Variants in NAALADL2 observed in about 807,000 individuals in gnomAD.
NAALADL2 encodes inactive N-acetylated-alpha-linked acidic dipeptidase-like protein 2.
NAALADL2 carries 76 observed loss-of-function variants against 87.2 expected under a neutral mutation model. The observed-to-expected ratio is 0.87, with a 90% CI of 0.72 to 1.05. The LOEUF (loss-of-function observed/expected upper bound fraction) is 1.05. Among genes scored for constraint, NAALADL2 ranks in the 50% least tolerant of loss-of-function variants. NAALADL2 has a pLI of 0.00. For synonymous variants in NAALADL2, 354 were observed against 331.0 expected (o/e 1.07, Z -0.75); for missense variants, 1,089 against 945.8 (o/e 1.15, Z -1.99).
chr3:174,948,689 T>G (rs1195451812), intron 1 of NAALADL2, among the ~76,000 whole-genome samples: 1 of 151,996 alleles, frequency 6.6e-6, no homozygotes, highest in Non-Finnish European at 1.5e-5. Flanking sequence ...ATGTCAGGGG[T>G]CTCTTCTGGG....
chr3:175,436,269 G>T (rs1468739465), intron 5 of NAALADL2, among the ~76,000 whole-genome samples: 2 of 146,084 alleles, frequency 1.4e-5, no homozygotes, highest in Admixed American at 1.4e-4. Context: ...ATTTGGGTTG[G>T]TTCCAAGTCT....
At chr3:175,395,222 C>G (rs1377235388) in intron 5 of NAALADL2, among the ~76,000 whole-genome samples, 2 of 152,000 alleles carry the variant, frequency 1.3e-5, no homozygotes. Flanking sequence ...GGGGACAGTG[C>G]AAGATTTCAT....
rs1239351094 is a variant in NAALADL2, at chr3:175,471,781, C to G, written c.1653+23C>G. 8 of 1,571,980 alleles carry G rather than the reference C, an allele frequency of 5.1e-6. No homozygotes were observed. The South Asian group carries it at 9.6e-5, about 19-fold the overall frequency. On this transcript the variant is annotated intron_variant, in intron 9 of 13. Coordinates refer to ENST00000454872, the MANE Select transcript of NAALADL2 (RefSeq NM_207015.3). ...GAGGTAAGACAAACCACTATTGTATCAAATGATTATGCAAAACCGACCTTT... is the reference window on the plus strand; with the variant it reads ...GAGGTAAGACAAACCACTATTGTATGAAATGATTATGCAAAACCGACCTTT...
intron 3 of NAALADL2, among the ~76,000 whole-genome samples, chr3:174,840,526 A>C (rs1396048582): frequency 1.3e-5 from 2 of 152,144 alleles, no homozygotes; most frequent in Non-Finnish European, 2.9e-5. Context: ...ATTTAAAGTC[A>C]AGTTTAGCAG....
At chr3:174,658,182 T>A (rs1453948967) in intron 2 of NAALADL2, among the ~76,000 whole-genome samples, 1 of 152,182 alleles carries the variant, frequency 6.6e-6, no homozygotes, top group Non-Finnish European at 1.5e-5. Flanking sequence ...TTTAATTTGG[T>A]AAGAAACCAC....
At chr3:174,832,061 T>C (rs1005842419) in intron 3 of NAALADL2, among the ~76,000 whole-genome samples, 32 of 152,296 alleles carry the variant, frequency 2.1e-4, no homozygotes, top group Non-Finnish European at 3.4e-4. Flanking sequence ...AAAAACCAGC[T>C]CCTGGGTTCA....
At chr3:174,616,452 A>G (rs773366022) in intron 2 of NAALADL2, among the ~76,000 whole-genome samples, 4 of 152,000 alleles carry the variant, frequency 2.6e-5, no homozygotes, top group Admixed American at 1.3e-4. Flanking sequence ...CTGTTTATGC[A>G]TCTAGTTAGA....
At chr3:174,618,716 A>C (rs1275281346) in intron 2 of NAALADL2, among the ~76,000 whole-genome samples, 1 of 151,896 alleles carries the variant, frequency 6.6e-6, no homozygotes, top group Admixed American at 6.6e-5. Flanking sequence ...GTTCAAAAGC[A>C]CTTATATATA....
At chr3:174,802,314 C>T (rs1481551577) in intron 3 of NAALADL2, among the ~76,000 whole-genome samples, 1 of 151,864 alleles carries the variant, frequency 6.6e-6, no homozygotes, top group Admixed American at 6.6e-5. Context: ...TTTCTAAGTA[C>T]TGATTGTGAT....
chr3:175,313,369 C>G (rs1465027451), intron 4 of NAALADL2, among the ~76,000 whole-genome samples: 8 of 152,076 alleles, frequency 5.3e-5, no homozygotes, highest in African/African-American at 1.9e-4. Context: ...CTCTTCTTAT[C>G]TACATGAAGA....
rs551442309 is a variant in NAALADL2, at chr3:175,215,461, G to A, written c.546-18470G>A. Among the ~76,000 whole-genome samples, 44 of 152,212 alleles carry A rather than the reference G, an allele frequency of 2.9e-4. 1 individual carries two copies. The South Asian group carries it at 5.6e-3, about 19-fold the overall frequency. On this transcript the variant is annotated intron_variant, in intron 2 of 13. Coordinates refer to ENST00000454872, the MANE Select transcript of NAALADL2 (RefSeq NM_207015.3). Reference sequence around the variant, plus strand: ...AGGATTAGAAACCTGTGTTGGAGCCGTGCTTCTTGCTCTCTGATTACCTAA... The same window carrying A: ...AGGATTAGAAACCTGTGTTGGAGCCATGCTTCTTGCTCTCTGATTACCTAA...
intron 3 of NAALADL2, among the ~76,000 whole-genome samples, chr3:174,767,360 C>T (rs1713946157): frequency 6.6e-6 from 1 of 151,972 alleles, no homozygotes; most frequent in South Asian, 2.1e-4. Flanking sequence ...TAATAGTTAC[C>T]CTTACCAGAC....
At chr3:175,670,464 TATTTATATTAA>T (rs372266840) in intron 11 of NAALADL2, among the ~76,000 whole-genome samples, 109 of 141,998 alleles carry the variant, frequency 7.7e-4, no homozygotes, top group African/African-American at 2.2e-3. Context: ...AAATTTAATA[TATTTATATTAA>T]ATTTATATTA....
intron 11 of NAALADL2, chr3:175,676,278 T>A (rs1734766440): frequency 6.6e-6 from 1 of 152,112 alleles, no homozygotes; most frequent in African/African-American, 2.4e-5. Flanking sequence ...TTGCTTTACC[T>A]ATTGACAAGT....
intron 4 of NAALADL2, among the ~76,000 whole-genome samples, chr3:175,297,265 T>C (rs567696782): frequency 8.9e-4 from 136 of 152,294 alleles, no homozygotes; most frequent in Non-Finnish European, 1.7e-3. Context: ...GGTAACTAAG[T>C]GTTCAACATA....
At chr3:175,705,004 GA>G (rs1238703338) in intron 11 of NAALADL2, among the ~76,000 whole-genome samples, 1 of 152,166 alleles carries the variant, frequency 6.6e-6, no homozygotes, top group African/African-American at 2.4e-5. Flanking sequence ...CCCTACATTT[GA>G]AAAATGAATC....
chr3:174,485,838 G>A (rs749825434), intron 1 of NAALADL2, among the ~76,000 whole-genome samples: 3 of 151,926 alleles, frequency 2.0e-5, no homozygotes, highest in Non-Finnish European at 4.4e-5. Context: ...GTATTGCCTA[G>A]GTCGTCTTCC....
intron 2 of NAALADL2, among the ~76,000 whole-genome samples, chr3:174,730,235 A>C (rs1423127713): frequency 6.6e-6 from 1 of 152,074 alleles, no homozygotes; most frequent in Admixed American, 6.6e-5. Context: ...TTGTAACCCT[A>C]TGACAAGATC....
intron 3 of NAALADL2, among the ~76,000 whole-genome samples, chr3:174,745,241 T>C (rs1161600864): frequency 2.6e-5 from 4 of 151,328 alleles, no homozygotes; most frequent in Non-Finnish European, 4.4e-5. Context: ...ATAGACACAA[T>C]AAAAAATGAT....
Sources: allele counts gnomAD v4.1 joint callset (sites outside exome capture counted in the v4.1 genomes callset), GRCh38; gene constraint gnomAD v4.1.1; transcripts MANE v1.5; gene names NCBI Gene and HGNC (gene_info 2026-07-23, HGNC 2026-07-21).